The following PRKG1 variants were observed in gnomAD, a reference collection of about 807,000 sequenced individuals.
PRKG1 encodes protein kinase cGMP-dependent 1, also known as cGMP-dependent protein kinase 1.
Under a neutral mutation model 88.1 loss-of-function variants are expected in PRKG1, and 35 were observed. The ratio of observed to expected loss-of-function variants is 0.40; its 90% CI spans 0.30 to 0.53. The LOEUF is 0.53. Among genes scored for constraint, PRKG1 ranks in the 20% least tolerant of loss-of-function variants. The probability of loss-of-function intolerance (pLI) is 0.59; values close to 1 mark genes in which losing one functional copy is unlikely to be tolerated. For synonymous variants in PRKG1, 303 were observed against 292.5 expected, an observed-to-expected ratio of 1.04 and a Z score of -0.37; for missense variants, 540 against 839.8, an observed-to-expected ratio of 0.64 and a Z score of 4.41.
At chr10:52,143,921 C>A (rs932688308) in intron 8 of PRKG1, among the ~76,000 whole-genome samples, 4 of 152,174 alleles carry the variant, frequency 2.6e-5, no homozygotes, top group Non-Finnish European at 5.9e-5. Flanking sequence ...AAAGTCTTCT[C>A]CTTCTTTGGA....
chr10:51,532,292 G>T (rs1287133431), intron 3 of PRKG1, among the ~76,000 whole-genome samples: 1 of 152,116 alleles, frequency 6.6e-6, no homozygotes, highest in Non-Finnish European at 1.5e-5. Context: ...ATTATTTCAG[G>T]TGACACTACT....
intron 3 of PRKG1, among the ~76,000 whole-genome samples, chr10:51,716,842 G>A (rs553196973): frequency 6.6e-6 from 1 of 152,108 alleles, no homozygotes; most frequent in Non-Finnish European, 1.5e-5. Flanking sequence ...ATAGGTGCAG[G>A]CCACCACGCC....
chr10:52,229,901 T>C (rs189828926), intron 9 of PRKG1, among the ~76,000 whole-genome samples: 25 of 152,134 alleles, frequency 1.6e-4, no homozygotes. Flanking sequence ...TAATAAAGAG[T>C]CTAGAATAGA....
chr10:51,876,341 C>T (rs1463699107), intron 4 of PRKG1, among the ~76,000 whole-genome samples: 4 of 152,054 alleles, frequency 2.6e-5, no homozygotes, highest in Non-Finnish European at 5.9e-5. Context: ...GTTTATGGAC[C>T]TTTCTGTTTC....
chr10:52,040,750 A>G (rs1022914108), intron 5 of PRKG1, among the ~76,000 whole-genome samples: 1 of 150,316 alleles, frequency 6.7e-6, no homozygotes, highest in African/African-American at 2.4e-5. Context: ...TCCCTATCTT[A>G]TTCTGGATCT....
intron 2 of PRKG1, among the ~76,000 whole-genome samples, chr10:51,368,601 GA>G (rs1842637448): frequency 6.6e-6 from 1 of 152,036 alleles, no homozygotes; most frequent in African/African-American, 2.4e-5. Context: ...TAAAATTACA[GA>G]GTGACATGGG....
chr10:51,169,670 G>A (rs1846647085), intron 2 of PRKG1, among the ~76,000 whole-genome samples: 1 of 152,108 alleles, frequency 6.6e-6, no homozygotes, highest in South Asian at 2.1e-4. Flanking sequence ...GCCTTAGGAT[G>A]GAAGACTACA....
chr10:51,827,579 T>C (rs1295835830), intron 4 of PRKG1, among the ~76,000 whole-genome samples: 3 of 152,232 alleles, frequency 2.0e-5, no homozygotes, highest in East Asian at 1.9e-4. Flanking sequence ...CATTTTATCA[T>C]TGAATTCCAG....
intron 5 of PRKG1, among the ~76,000 whole-genome samples, chr10:52,034,177 C>G (rs10762545): frequency 0.84 from 126,896 of 151,772 alleles, 53,172 homozygotes; most frequent in Non-Finnish European, 0.88. Flanking sequence ...CAGGGGATGC[C>G]ATGGCTTGGC....
intron 3 of PRKG1, among the ~76,000 whole-genome samples, chr10:51,732,332 TCACA>T (rs1837134900): frequency 6.6e-6 from 1 of 152,148 alleles, no homozygotes; most frequent in Non-Finnish European, 1.5e-5. Context: ...CCACATACAG[TCACA>T]GTGTGAGGTA....
intron 5 of PRKG1, among the ~76,000 whole-genome samples, chr10:51,943,106 G>C (rs927553813): frequency 1.3e-5 from 2 of 151,942 alleles, no homozygotes; most frequent in African/African-American, 4.8e-5. Context: ...TCTTCCATTT[G>C]TTTGTATCCT....
chr10:51,848,897 G>T (rs1210690396), intron 4 of PRKG1, among the ~76,000 whole-genome samples: 3 of 135,556 alleles, frequency 2.2e-5, no homozygotes, highest in Admixed American at 1.5e-4. Context: ...ATTTCACCTT[G>T]TTCTGGTTCT....
intron 7 of PRKG1, among the ~76,000 whole-genome samples, chr10:52,111,242 A>G (rs184421997): frequency 6.6e-6 from 1 of 152,266 alleles, no homozygotes; most frequent in Admixed American, 6.5e-5. Flanking sequence ...TTGGAGAAGC[A>G]ATTTCACATA....
intron 14 of PRKG1, among the ~76,000 whole-genome samples, chr10:52,283,043 C>T (rs957013114): frequency 4.0e-5 from 6 of 151,898 alleles, no homozygotes; most frequent in African/African-American, 7.3e-5. Context: ...AGGCAATAAT[C>T]GTCACAGACA....
At chr10:51,897,041 G>A (rs1024864938) in intron 4 of PRKG1, among the ~76,000 whole-genome samples, 3 of 152,144 alleles carry the variant, frequency 2.0e-5, no homozygotes, top group African/African-American at 7.2e-5. Flanking sequence ...TCAGATGTGG[G>A]ACAAGAAACT....
intron 2 of PRKG1, among the ~76,000 whole-genome samples, chr10:51,161,993 A>G (rs1846375517): frequency 1.3e-5 from 2 of 152,236 alleles, no homozygotes; most frequent in Admixed American, 6.5e-5. Context: ...ACTTCACACA[A>G]TCTACAATTG....
At position 51,080,796 on chromosome 10, in the gene PRKG1, C is replaced by T. The variant is rs370280283; in HGVS notation, c.311+5895C>T. 5.9e-5 allele frequency among the ~76,000 whole-genome samples: 9 copies of T among 152,308 alleles called. No homozygotes were observed. The East Asian group carries it at 7.7e-4, about 13-fold the overall frequency. On this transcript the variant is annotated intron_variant, in intron 1 of 17. Coordinates refer to ENST00000373980, the MANE Select transcript of PRKG1 (RefSeq NM_006258.4). ...GCTTCCTCACACTCAGTTCTGACAC[C>T]GGTTCTGCTTCCCTCTCACCATCTT...
intron 4 of PRKG1, among the ~76,000 whole-genome samples, chr10:51,808,120 G>T (rs1384126359): frequency 2.0e-5 from 3 of 152,112 alleles, no homozygotes; most frequent in African/African-American, 7.2e-5. Context: ...AAAATTAATT[G>T]CTTTCCTGTA....
intron 2 of PRKG1, among the ~76,000 whole-genome samples, chr10:51,389,498 G>A (rs142510686): frequency 1.2e-4 from 19 of 152,202 alleles, no homozygotes; most frequent in Admixed American, 2.6e-4. Context: ...CAGCTGTACA[G>A]TTTCCTTGGT....
Sources: gnomAD v4.1 joint callset for allele counts (sites outside exome capture counted in the v4.1 genomes callset) on GRCh38, gnomAD v4.1.1 for gene constraint, MANE v1.5 for transcripts, NCBI Gene and HGNC (gene_info 2026-07-23, HGNC 2026-07-21) for gene names.